Variants in ATRNL1 observed in about 807,000 individuals in gnomAD.
ATRNL1 encodes the protein attractin-like protein 1.
In ATRNL1, 95 loss-of-function variants were observed where a neutral mutation model predicts 182.7. The observed-to-expected ratio is 0.52, with a 90% confidence interval of 0.44 to 0.62. The LOEUF is 0.62. Ranked by LOEUF, ATRNL1 falls within the 20% of genes least tolerant of loss-of-function variation. ATRNL1 has a pLI of 0.00. For missense variants in ATRNL1, 1,471 were observed against 1,679.5 expected (o/e 0.88, Z 2.17); for synonymous variants, 576 against 568.3 (o/e 1.01, Z -0.19).
At chr10:115,694,205 T>C in intron 26 of ATRNL1, among the ~76,000 whole-genome samples, 1 of 138,494 alleles carries the variant, frequency 7.2e-6, no homozygotes, top group East Asian at 2.2e-4. Context: ...CACACACACT[T>C]CCCACTGTAT....
At chr10:115,606,656 G>A (rs550824927) in intron 26 of ATRNL1, among the ~76,000 whole-genome samples, 2 of 152,036 alleles carry the variant, frequency 1.3e-5, no homozygotes, top group African/African-American at 4.8e-5. Flanking sequence ...TTGTAATGGG[G>A]CAAGGTTATT....
At chr10:115,782,121 C>T (rs1277532482) in intron 27 of ATRNL1, among the ~76,000 whole-genome samples, 2 of 152,252 alleles carry the variant, frequency 1.3e-5, no homozygotes, top group East Asian at 3.9e-4. Context: ...AGTGTCTTTA[C>T]GCTATTCTAA....
chr10:115,808,068 C>T (rs1352121496), intron 27 of ATRNL1, among the ~76,000 whole-genome samples: 1 of 152,026 alleles, frequency 6.6e-6, no homozygotes, highest in African/African-American at 2.4e-5. Flanking sequence ...GATTTATCTT[C>T]GCTGTGTGTA....
intron 17 of ATRNL1, among the ~76,000 whole-genome samples, chr10:115,308,796 G>A (rs1554926980): frequency 1.3e-5 from 2 of 152,066 alleles, no homozygotes; most frequent in South Asian, 4.1e-4. Flanking sequence ...TGTTTTTGTT[G>A]CATTTGATTT....
chr10:115,102,305 G>A (rs1178045958), intron 1 of ATRNL1, among the ~76,000 whole-genome samples: 7 of 152,012 alleles, frequency 4.6e-5, no homozygotes, highest in African/African-American at 1.7e-4. Context: ...TTTATTGAAA[G>A]TTAATTGGAC....
At chr10:115,436,072 A>T (rs1477825145) in intron 21 of ATRNL1, among the ~76,000 whole-genome samples, 1 of 152,144 alleles carries the variant, frequency 6.6e-6, no homozygotes, top group African/African-American at 2.4e-5. Context: ...ATCAAGTAAA[A>T]GTTGCTTTAA....
chr10:115,754,994 G>A (rs1948548751), intron 27 of ATRNL1, among the ~76,000 whole-genome samples: 1 of 152,188 alleles, frequency 6.6e-6, no homozygotes, highest in African/African-American at 2.4e-5. Context: ...GTATAGGAAT[G>A]CTTCTAATTT....
chr10:115,243,114 A>G (rs958953503), intron 10 of ATRNL1, among the ~76,000 whole-genome samples: 1 of 152,028 alleles, frequency 6.6e-6, no homozygotes, highest in African/African-American at 2.4e-5. Flanking sequence ...AAAAGTATAC[A>G]TTGTTGTTGT....
chr10:115,234,966 A>T (rs1297040225), intron 9 of ATRNL1, among the ~76,000 whole-genome samples: 1 of 152,004 alleles, frequency 6.6e-6, no homozygotes, highest in Non-Finnish European at 1.5e-5. Flanking sequence ...TCAGATTTTG[A>T]TACTTTTTTC....
chr10:115,564,247 T>G (rs1480288253), intron 26 of ATRNL1, among the ~76,000 whole-genome samples: 1 of 151,988 alleles, frequency 6.6e-6, no homozygotes, highest in South Asian at 2.1e-4. Flanking sequence ...ATATTGAAAA[T>G]GTTAACTATT....
At chr10:115,705,522 G>C (rs1321581100) in intron 26 of ATRNL1, among the ~76,000 whole-genome samples, 1 of 151,580 alleles carries the variant, frequency 6.6e-6, no homozygotes, top group Non-Finnish European at 1.5e-5. Flanking sequence ...TCCTTGCTTT[G>C]GTTAATATTT....
intron 27 of ATRNL1, among the ~76,000 whole-genome samples, chr10:115,732,364 A>C (rs1372097583): frequency 1.3e-5 from 2 of 152,198 alleles, no homozygotes; most frequent in Non-Finnish European, 2.9e-5. Flanking sequence ...GTACCACACT[A>C]TCTTGATGAC....
intron 24 of ATRNL1, among the ~76,000 whole-genome samples, chr10:115,492,443 C>T (rs1849344876): frequency 6.6e-6 from 1 of 151,680 alleles, no homozygotes; most frequent in African/African-American, 2.4e-5. Flanking sequence ...ATCATTAATG[C>T]TTACTTTCAT....
intron 25 of ATRNL1, among the ~76,000 whole-genome samples, chr10:115,547,308 A>C (rs1335573682): frequency 6.6e-6 from 1 of 151,000 alleles, no homozygotes; most frequent in African/African-American, 2.4e-5. Flanking sequence ...AATTTGAATT[A>C]ACTAGAAAGA....
intron 9 of ATRNL1, among the ~76,000 whole-genome samples, chr10:115,223,887 ATGTGTGTGTGTG>A (rs1185815693): frequency 2.5e-5 from 2 of 80,090 alleles, no homozygotes; most frequent in African/African-American, 5.3e-5. Flanking sequence ...TATTTAATAT[ATGTGTGTGTGTG>A]TGTGTGTGTG....
At chr10:115,479,451 T>C (rs957166265) in intron 24 of ATRNL1, among the ~76,000 whole-genome samples, 12 of 151,566 alleles carry the variant, frequency 7.9e-5, no homozygotes. Flanking sequence ...TTAATTTATG[T>C]ACTTTGGAAA....
chr10:115,301,470 CAT>C (rs1319357983), intron 16 of ATRNL1, among the ~76,000 whole-genome samples: 6 of 152,062 alleles, frequency 3.9e-5, no homozygotes, highest in African/African-American at 1.4e-4. Context: ...ATATCAAAGA[CAT>C]GTTCACTTAC....
intron 19 of ATRNL1, among the ~76,000 whole-genome samples, chr10:115,369,205 A>G (rs1414949252): frequency 6.7e-6 from 1 of 149,764 alleles, no homozygotes; most frequent in Non-Finnish European, 1.5e-5. Context: ...TACTATGTAT[A>G]TAATGTGGAG....
intron 8 of ATRNL1, among the ~76,000 whole-genome samples, chr10:115,174,779 A>C (rs1160624733): frequency 6.6e-6 from 1 of 151,992 alleles, no homozygotes; most frequent in Non-Finnish European, 1.5e-5. Flanking sequence ...TACTTTGCCT[A>C]CACTTGCTCT....
Sources: allele counts gnomAD v4.1 joint callset (sites outside exome capture counted in the v4.1 genomes callset), GRCh38; gene constraint gnomAD v4.1.1; transcripts MANE v1.5; gene names NCBI Gene and HGNC (gene_info 2026-07-23, HGNC 2026-07-21).